Variants in GLB1 observed in about 807,000 individuals in gnomAD.
GLB1 encodes galactosidase beta 1.
GLB1 carries 56 observed loss-of-function variants against 74.0 expected under a neutral mutation model. That is an observed-to-expected ratio of 0.76 (90% CI 0.61 to 0.94). The LOEUF (loss-of-function observed/expected upper bound fraction) is 0.94. Among genes scored for constraint, GLB1 ranks in the 40% least tolerant of loss-of-function variants. GLB1 has a pLI of 0.00. For missense variants in GLB1, 787 were observed against 845.5 expected, an observed-to-expected ratio of 0.93 and a Z score of 0.86; for synonymous variants, 323 against 323.6, an observed-to-expected ratio of 1.00 and a Z score of 0.02.
chr3:33,078,870 G>A (rs1366682861), intron 1 of GLB1, among the ~76,000 whole-genome samples: 1 of 151,912 alleles, frequency 6.6e-6, no homozygotes, highest in African/African-American at 2.4e-5. Flanking sequence ...TGGATACAGG[G>A]TCTTGCTCCG....
chr3:32,982,740 C>G, the GLB1 span, among the ~76,000 whole-genome samples: 2 of 152,076 alleles, frequency 1.3e-5, no homozygotes, highest in Non-Finnish European at 2.9e-5. Context: ...TTTTTATATC[C>G]TAGAACTTTC....
the GLB1 span, among the ~76,000 whole-genome samples, chr3:32,979,916 A>C: frequency 2.0e-5 from 3 of 151,864 alleles, no homozygotes; most frequent in Admixed American, 2.0e-4. Context: ...TTTTTCTCTG[A>C]AAAAAATTAA....
intron 1 of GLB1, chr3:33,096,721 C>A (rs1029081318): frequency 8.0e-6 from 10 of 1,255,194 alleles, no homozygotes; most frequent in Non-Finnish European, 1.0e-5. Flanking sequence ...ACACGCACCT[C>A]GTCTCAACAC....
chr3:33,068,627 G>T (rs1371602492), intron 3 of GLB1, among the ~76,000 whole-genome samples, 193 bp downstream of exon 3: 1 of 152,128 alleles, frequency 6.6e-6, no homozygotes, highest in Admixed American at 6.5e-5. Context: ...TGACCACCAA[G>T]AGGAGAGCCC....
At chr3:32,965,898 G>T in the GLB1 span, among the ~76,000 whole-genome samples, 1 of 152,236 alleles carries the variant, frequency 6.6e-6, no homozygotes, top group East Asian at 1.9e-4. Flanking sequence ...TCCTTGGCAG[G>T]TTCCATGTTG....
At position 33,077,964 on chromosome 3, in the gene GLB1, A is replaced by G. The variant is rs1157421880; in HGVS notation, c.76-5251T>C. Among the ~76,000 whole-genome samples, 4 of 152,156 alleles carry G rather than the reference A, an allele frequency of 2.6e-5. No homozygotes were observed. The East Asian group carries it at 7.7e-4, about 29-fold the overall frequency. Reference sequence around the variant, plus strand: ...TATAACTTTGTTGTACATAGTTGTTAAATGTAGGGCAATTTGTCTTTAAGT... The same window carrying G: ...TATAACTTTGTTGTACATAGTTGTTGAATGTAGGGCAATTTGTCTTTAAGT... On this transcript the variant is annotated intron_variant, in intron 1 of 15. Transcript: ENST00000307363.
At chr3:32,995,859 A>G (rs558467035), downstream of GLB1, among the ~76,000 whole-genome samples, 7 of 152,094 alleles carry the variant, frequency 4.6e-5, no homozygotes, top group East Asian at 1.2e-3. Flanking sequence ...AAAAAAAAAA[A>G]AAAAATTACA....
rs766214522 is a variant in GLB1 at position 33,058,206 on chromosome 3, G to A, written c.616C>T (p.Arg206Cys). ...DFDYLRFLQK[R>C]FRHHLGDDVV... Reference sequence around the variant, plus strand: ...TCATCCCCCAGATGGTGGCGAAAGCGCTTCTGCAGGAAGCGCAGGTAGTCA... The same window carrying A: ...TCATCCCCCAGATGGTGGCGAAAGCACTTCTGCAGGAAGCGCAGGTAGTCA... The change falls in exon 6 of 16, where the codon CGC (arginine) becomes TGC (cysteine). Residue 206 changes from arginine to cysteine, a missense_variant. Arg to Cys is a radical substitution (Grantham distance 180). Transcript: ENST00000307363. The A allele has an allele frequency of 7.2e-5, 117 of 1,613,990 alleles. No individual in the cohort carries two copies. Among genetic ancestry groups the A allele is most frequent in the Non-Finnish European group, 8.7e-5 (103 of 1,180,018 alleles).
chr3:33,011,277 G>A (rs1357806384), intron 15 of GLB1, among the ~76,000 whole-genome samples: 1 of 151,890 alleles, frequency 6.6e-6, no homozygotes, highest in East Asian at 1.9e-4. Context: ...TCGAGGCCAA[G>A]TTCACATAAA....
At chr3:33,004,380 C>T (rs367814756) in intron 15 of GLB1, among the ~76,000 whole-genome samples, 7 of 152,174 alleles carry the variant, frequency 4.6e-5, no homozygotes, top group South Asian at 2.1e-4. Flanking sequence ...AAACTGTTGT[C>T]GTTTTAATCC....
In GLB1 at chr3:33,058,966, G is replaced by A. The variant is rs2125534336; in HGVS notation, c.553-697C>T. Reference sequence around the variant, plus strand: ...AACCAGGAGCTCTTTAGCCCCACAGGGGACATGTGGCTATGTCTGGAAATG... The same window carrying A: ...AACCAGGAGCTCTTTAGCCCCACAGAGGACATGTGGCTATGTCTGGAAATG... On this transcript the variant is annotated intron_variant, in intron 5 of 15. Transcript: ENST00000307363. Among the ~76,000 whole-genome samples, 3 of 150,588 alleles carry A rather than the reference G, an allele frequency of 2.0e-5. No individual in the cohort carries two copies. The South Asian group carries it at 6.2e-4, about 31-fold the overall frequency.
intron 1 of GLB1, 167 bp downstream of exon 1, chr3:33,096,843 GA>G (rs1701053671): frequency 3.6e-5 from 49 of 1,377,164 alleles, no homozygotes; most frequent in Middle Eastern, 2.7e-4. Context: ...CCCCCGACGG[GA>G]AGGCCGGTCC....
chr3:33,094,434 G>A (rs1700916548), intron 1 of GLB1: 1 of 1,115,222 alleles, frequency 9.0e-7, no homozygotes, highest in Non-Finnish European at 1.2e-6. Context: ...TCAGTTGCTA[G>A]CTATACTTTA....
At chr3:33,034,811 C>T in intron 10 of GLB1, 1 of 606,176 alleles carries the variant, frequency 1.6e-6, no homozygotes, top group Non-Finnish European at 3.2e-6. Flanking sequence ...CAAGCAGTGA[C>T]AAGACAGGCA....
At chr3:33,092,666 T>C (rs1167603449) in intron 1 of GLB1, 2 of 1,402,602 alleles carry the variant, frequency 1.4e-6, no homozygotes, top group Admixed American at 2.9e-5. Flanking sequence ...AGCCTGAACA[T>C]GCCAGGCAGG....
chr3:33,062,811 G>A (rs1303955636), intron 5 of GLB1, among the ~76,000 whole-genome samples: 3 of 152,094 alleles, frequency 2.0e-5, no homozygotes, highest in Non-Finnish European at 4.4e-5. Flanking sequence ...TAACAACAAC[G>A]AAAAGAATTA....
chr3:33,065,968 CAAAAA>C (rs35555652), intron 4 of GLB1, among the ~76,000 whole-genome samples: 2 of 123,862 alleles, frequency 1.6e-5, no homozygotes, highest in Non-Finnish European at 3.3e-5. Context: ...AACTCTGTCT[CAAAAA>C]AAAAAAAAAA....
chr3:33,021,688 G>A (rs1446861906), intron 11 of GLB1, 33 bp from the exon 12 acceptor site: 1 of 1,602,922 alleles, frequency 6.2e-7, no homozygotes, highest in East Asian at 2.2e-5. Context: ...TTCACACACT[G>A]CACCCCTCAC....
the GLB1 span, among the ~76,000 whole-genome samples, chr3:32,962,017 G>A: frequency 5.3e-5 from 8 of 152,258 alleles, no homozygotes; most frequent in South Asian, 2.1e-4. Context: ...CCAACATGGC[G>A]AAACCCCGTC....
Sources: allele counts gnomAD v4.1 joint callset (sites outside exome capture counted in the v4.1 genomes callset), GRCh38; gene constraint gnomAD v4.1.1; transcripts MANE v1.5; gene names NCBI Gene and HGNC (gene_info 2026-07-23, HGNC 2026-07-21).